SAMMSON: variants seen among roughly 807,000 people sequenced by gnomAD.
SAMMSON encodes survival associated mitochondrial melanoma specific oncogenic non-coding RNA.
chr3:70,164,272 T>C (rs1402428668), intron 4 of SAMMSON, among the ~76,000 whole-genome samples: 1 of 151,998 alleles, frequency 6.6e-6, no homozygotes, highest in Admixed American at 6.6e-5. Context: ...TGAACCACAG[T>C]TTCCTCATCT....
chr3:70,100,124 T>C (rs931748663), intron 4 of SAMMSON, among the ~76,000 whole-genome samples: 2 of 152,066 alleles, frequency 1.3e-5, no homozygotes, highest in Non-Finnish European at 2.9e-5. Context: ...GGCAGTATTT[T>C]CATTGGGGGT....
At chr3:70,336,894 A>G (rs1273423550) in intron 7 of SAMMSON, among the ~76,000 whole-genome samples, 6 of 149,306 alleles carry the variant, frequency 4.0e-5, no homozygotes, top group African/African-American at 1.5e-4. Flanking sequence ...CCACTGAAGA[A>G]TAGAGCTCCT....
At chr3:70,171,178 C>T (rs1559527549) in intron 4 of SAMMSON, among the ~76,000 whole-genome samples, 1 of 151,750 alleles carries the variant, frequency 6.6e-6, no homozygotes, top group African/African-American at 2.4e-5. Context: ...ACTTTTTCCC[C>T]TAGACTCTAT....
At chr3:70,226,351 A>G (rs1015701399) in intron 4 of SAMMSON, among the ~76,000 whole-genome samples, 1 of 152,218 alleles carries the variant, frequency 6.6e-6, no homozygotes, top group African/African-American at 2.4e-5. Context: ...GCACACACAC[A>G]GCTTTGTGGA....
intron 7 of SAMMSON, among the ~76,000 whole-genome samples, chr3:70,348,199 T>C (rs1362231715): frequency 6.6e-6 from 1 of 152,110 alleles, no homozygotes; most frequent in Non-Finnish European, 1.5e-5. Context: ...GCCTCATTGA[T>C]AGGATAACAC....
chr3:70,286,041 G>C (rs1702159590), intron 6 of SAMMSON, among the ~76,000 whole-genome samples: 1 of 151,968 alleles, frequency 6.6e-6, no homozygotes, highest in African/African-American at 2.4e-5. Flanking sequence ...TTCTTTTGCT[G>C]TGCAGAAGCT....
chr3:70,252,264 G>A (rs992876120), intron 6 of SAMMSON, among the ~76,000 whole-genome samples: 13 of 152,276 alleles, frequency 8.5e-5, no homozygotes, highest in Non-Finnish European at 1.2e-4. Flanking sequence ...GTATGACTTA[G>A]GCTTAAAGTA....
intron 6 of SAMMSON, among the ~76,000 whole-genome samples, chr3:70,250,802 G>A (rs2106651189): frequency 6.6e-6 from 1 of 152,202 alleles, no homozygotes; most frequent in Non-Finnish European, 1.5e-5. Flanking sequence ...ATAAACATAT[G>A]CATTTCTTCT....
intron 3 of SAMMSON, among the ~76,000 whole-genome samples, chr3:70,016,113 G>C (rs1490737758): frequency 6.6e-6 from 1 of 152,252 alleles, no homozygotes; most frequent in African/African-American, 2.4e-5. Flanking sequence ...GGTATTTCTA[G>C]TTCTAGATCC....
chr3:70,115,946 A>G (rs1340114234), intron 4 of SAMMSON, among the ~76,000 whole-genome samples: 1 of 152,122 alleles, frequency 6.6e-6, no homozygotes, highest in East Asian at 1.9e-4. Flanking sequence ...TTGGATGAGA[A>G]CTTCCAATTT....
At chr3:70,239,845 T>C (rs1439019476) in intron 4 of SAMMSON, among the ~76,000 whole-genome samples, 1 of 152,164 alleles carries the variant, frequency 6.6e-6, no homozygotes, top group Non-Finnish European at 1.5e-5. Context: ...GTCTGGCAGA[T>C]AGATCATCAG....
intron 6 of SAMMSON, among the ~76,000 whole-genome samples, chr3:70,260,264 G>A (rs1013413831): frequency 7.2e-5 from 11 of 152,036 alleles, no homozygotes; most frequent in East Asian, 1.9e-4. Context: ...CTTTGTCATC[G>A]TACGGCATTT....
chr3:70,349,141 G>A (rs1489294182), intron 7 of SAMMSON, among the ~76,000 whole-genome samples: 3 of 152,058 alleles, frequency 2.0e-5, no homozygotes, highest in Admixed American at 6.5e-5. Context: ...TTGGGAGGCC[G>A]AGGTGGGAGG....
chr3:70,030,021 AT>A (rs1234608796), intron 3 of SAMMSON, among the ~76,000 whole-genome samples: 8 of 152,282 alleles, frequency 5.3e-5, no homozygotes, highest in African/African-American at 1.7e-4. Flanking sequence ...TTTTAAATGA[AT>A]TTAATCTTGA....
chr3:70,370,527 G>A (rs1282043214), intron 9 of SAMMSON, among the ~76,000 whole-genome samples: 1 of 152,008 alleles, frequency 6.6e-6, no homozygotes, highest in Admixed American at 6.6e-5. Context: ...ATATCTCATT[G>A]TGATTTTGAT....
At chr3:70,249,548 C>G (rs1701740089) in intron 5 of SAMMSON, 1 of 152,018 alleles carries the variant, frequency 6.6e-6, no homozygotes, top group Admixed American at 6.6e-5. Context: ...TATGCCTGCC[C>G]CTTTAGGTCT....
chr3:70,216,478 A>C (rs1210188838), intron 4 of SAMMSON, among the ~76,000 whole-genome samples: 1 of 152,000 alleles, frequency 6.6e-6, no homozygotes, highest in East Asian at 1.9e-4. Context: ...AAACGCGGGG[A>C]TATCAAATAA....
chr3:70,267,505 C>A (rs1006764425), intron 6 of SAMMSON, among the ~76,000 whole-genome samples: 97 of 149,352 alleles, frequency 6.5e-4, no homozygotes, highest in African/African-American at 2.2e-3. Context: ...TGGGCTCACG[C>A]CCTTCTCCTG....
chr3:70,233,966 G>C (rs1004160230), intron 4 of SAMMSON, among the ~76,000 whole-genome samples: 6 of 152,172 alleles, frequency 3.9e-5, no homozygotes, highest in African/African-American at 1.4e-4. Flanking sequence ...GCAAGTTTTT[G>C]TGTGGATATT....
Sources: gnomAD v4.1 joint callset for allele counts (sites outside exome capture counted in the v4.1 genomes callset) on GRCh38, gnomAD v4.1.1 for gene constraint, MANE v1.5 for transcripts, NCBI Gene and HGNC (gene_info 2026-07-23, HGNC 2026-07-21) for gene names.